The following TIMP3 variants were observed in gnomAD, a reference collection of about 807,000 sequenced individuals.
TIMP3 encodes the protein TIMP metallopeptidase inhibitor 3.
In TIMP3, 11 loss-of-function variants were observed where a neutral mutation model predicts 30.0. That is an observed-to-expected ratio of 0.37 (90% CI 0.23 to 0.61). The LOEUF is 0.61. Among genes scored for constraint, TIMP3 ranks in the 20% least tolerant of loss-of-function variants. The pLI, the probability that TIMP3 is intolerant of heterozygous loss-of-function variation, is 0.70. For missense variants in TIMP3, 181 were observed against 276.8 expected, an observed-to-expected ratio of 0.65 and a Z score of 2.45; for synonymous variants, 112 against 111.3, an observed-to-expected ratio of 1.01 and a Z score of -0.04.
rs1601490396 is a variant in TIMP3, at chr22:32,833,700, G to A, written c.122-15752G>A. Reference sequence around the variant, plus strand: ...CAGGCTGCCTGGACTGGCATGCTATGTCCACCACTTCCGCATTAGATGATC... The same window carrying A: ...CAGGCTGCCTGGACTGGCATGCTATATCCACCACTTCCGCATTAGATGATC... On this transcript the variant is annotated intron_variant, in intron 1 of 4. Transcript: ENST00000266085. 1.1e-5 allele frequency: 5 copies of A among 461,548 alleles called. No homozygotes were observed. In the East Asian group the frequency reaches 2.8e-4, roughly 26 times the overall value. The allele number at this position is 461,548 out of a possible 1,614,324, so 28.6% of individuals were successfully genotyped here.
chr22:32,806,785 CATCTATCT>C (rs130271), intron 1 of TIMP3, among the ~76,000 whole-genome samples: 24 of 151,972 alleles, frequency 1.6e-4, no homozygotes, highest in East Asian at 5.8e-4. Context: ...TATCATTTAT[CATCTATCT>C]ATCTATCTCT....
At chr22:32,826,648 G>T (rs553208851) in intron 1 of TIMP3, among the ~76,000 whole-genome samples, 1 of 152,258 alleles carries the variant, frequency 6.6e-6, no homozygotes, top group Admixed American at 6.5e-5. Context: ...GTGTCATCTT[G>T]TTGACTATTC....
intron 1 of TIMP3, among the ~76,000 whole-genome samples, chr22:32,830,342 G>A (rs2047536537): frequency 6.6e-6 from 1 of 152,144 alleles, no homozygotes; most frequent in Middle Eastern, 3.2e-3. Context: ...AACATCCTAT[G>A]AGCCTTGTAT....
intron 1 of TIMP3, 141 bp downstream of exon 1, chr22:32,802,263 A>G (rs1000870855): frequency 3.1e-6 from 4 of 1,303,754 alleles, no homozygotes; most frequent in Admixed American, 2.6e-5. Flanking sequence ...GAGAAACTCG[A>G]TGTCCTTGGG....
chr22:32,860,917 T>G lies in TIMP3; in HGVS notation c.*1540T>G, dbSNP rs1358724609. ...CAGTTGTAGGGTTTCTGTTGTGTTT[T>G]TTTTTTTTTTTTTGAAATAAAACTA... is the stretch of plus-strand genomic sequence containing the variant. On this transcript the variant is annotated 3_prime_UTR_variant, in exon 5 of 5. Transcript: ENST00000266085. The G allele has an allele frequency of 6.7e-6, 1 of 148,392 alleles. No homozygotes were observed. The allele number at this position is 148,392 out of a possible 1,614,324, so 9.2% of individuals were successfully genotyped here.
intron 1 of TIMP3, among the ~76,000 whole-genome samples, chr22:32,838,858 A>T (rs886596967): frequency 1.3e-5 from 2 of 151,860 alleles, no homozygotes; most frequent in East Asian, 3.9e-4. Context: ...GCTCTATGCC[A>T]TGTGCTGGAG....
At chr22:32,857,439 G>T (rs1205922221) in intron 3 of TIMP3, 79 bp downstream of exon 3, 3 of 1,049,722 alleles carry the variant, frequency 2.9e-6, no homozygotes, top group Non-Finnish European at 4.5e-6. Flanking sequence ...CACATACGGA[G>T]TAGTTGACTC....
intron 2 of TIMP3, among the ~76,000 whole-genome samples, chr22:32,854,848 G>A (rs903769794): frequency 6.6e-6 from 1 of 152,172 alleles, no homozygotes; most frequent in Non-Finnish European, 1.5e-5. Flanking sequence ...AGAACAATGT[G>A]TGCTTTTAAC....
intron 1 of TIMP3, among the ~76,000 whole-genome samples, chr22:32,808,942 C>G (rs1361472618): frequency 1.3e-5 from 2 of 152,198 alleles, no homozygotes; most frequent in Non-Finnish European, 2.9e-5. Context: ...ACCCACTATG[C>G]TCTCTGCATT....
intron 1 of TIMP3, among the ~76,000 whole-genome samples, chr22:32,803,134 AGTG>A (rs1481682747): frequency 6.6e-6 from 1 of 152,094 alleles, no homozygotes; most frequent in Non-Finnish European, 1.5e-5. Flanking sequence ...GTGCAAGTCC[AGTG>A]GCTCTGCTGG....
At chr22:32,845,485 C>T (rs905509891) in intron 1 of TIMP3, among the ~76,000 whole-genome samples, 3 of 152,146 alleles carry the variant, frequency 2.0e-5, no homozygotes, top group Admixed American at 6.5e-5. Flanking sequence ...CCTCCACACC[C>T]GGCCAGCCAT....
At chr22:32,845,084 G>A (rs1047486329) in intron 1 of TIMP3, among the ~76,000 whole-genome samples, 1 of 152,054 alleles carries the variant, frequency 6.6e-6, no homozygotes, top group African/African-American at 2.4e-5. Flanking sequence ...CTCTTCCTAA[G>A]AGCAAAAGAA....
intron 1 of TIMP3, among the ~76,000 whole-genome samples, chr22:32,819,479 A>T (rs994058022): frequency 5.3e-5 from 8 of 152,202 alleles, no homozygotes; most frequent in Non-Finnish European, 1.2e-4. Context: ...AAGGATGTCC[A>T]TTGACTATAA....
At chr22:32,813,390 C>G (rs1227290317) in intron 1 of TIMP3, among the ~76,000 whole-genome samples, 3 of 151,904 alleles carry the variant, frequency 2.0e-5, no homozygotes, top group Non-Finnish European at 4.4e-5. Context: ...CTGTCCAGCT[C>G]CAGCCTATCA....
At chr22:32,843,303 C>T (rs1328513490) in intron 1 of TIMP3, among the ~76,000 whole-genome samples, 2 of 152,224 alleles carry the variant, frequency 1.3e-5, no homozygotes, top group African/African-American at 4.8e-5. Flanking sequence ...CTTCCTTCTC[C>T]TCTAGATTCA....
intron 1 of TIMP3, among the ~76,000 whole-genome samples, chr22:32,814,876 A>G (rs535839732): frequency 6.6e-6 from 1 of 152,224 alleles, no homozygotes; most frequent in South Asian, 2.1e-4. Context: ...GAATTTTCCC[A>G]TAGTCATGTT....
At chr22:32,805,212 T>C (rs1469040787) in intron 1 of TIMP3, among the ~76,000 whole-genome samples, 1 of 152,116 alleles carries the variant, frequency 6.6e-6, no homozygotes, top group Non-Finnish European at 1.5e-5. Context: ...TCTGAGCCTG[T>C]TGGGAATTTG....
intron 1 of TIMP3, among the ~76,000 whole-genome samples, chr22:32,817,860 G>A (rs1238293834): frequency 2.6e-5 from 4 of 152,144 alleles, no homozygotes; most frequent in South Asian, 2.1e-4. Context: ...GGGACATACC[G>A]GTGCAACCCC....
chr22:32,858,167 G>A (rs758343311), intron 4 of TIMP3, 29 bp downstream of exon 4: 6 of 1,610,862 alleles, frequency 3.7e-6, no homozygotes, highest in Non-Finnish European at 5.1e-6. Flanking sequence ...GGGGGAAGGA[G>A]GGGAGGTGCT....
Sources: gnomAD v4.1 joint callset for allele counts (sites outside exome capture counted in the v4.1 genomes callset) on GRCh38, gnomAD v4.1.1 for gene constraint, MANE v1.5 for transcripts, NCBI Gene and HGNC (gene_info 2026-07-23, HGNC 2026-07-21) for gene names.